The following CD8A variants were observed in gnomAD, a reference collection of about 807,000 sequenced individuals.
CD8A encodes T-cell surface glycoprotein CD8 alpha chain.
In CD8A, 25 loss-of-function variants were observed where a neutral mutation model predicts 24.2. The observed-to-expected ratio is 1.03, with a 90% CI of 0.75 to 1.44. The LOEUF (loss-of-function observed/expected upper bound fraction) is 1.44. Ranked by LOEUF, CD8A falls within the 40% of genes most tolerant of loss-of-function variation. CD8A has a pLI of 0.00. For synonymous variants in CD8A, 165 were observed against 149.9 expected, an observed-to-expected ratio of 1.10 and a Z score of -0.74; for missense variants, 360 against 319.7, an observed-to-expected ratio of 1.13 and a Z score of -0.96.
intron 3 of CD8A, among the ~76,000 whole-genome samples, chr2:86,800,165 A>T (rs1673620447): frequency 6.6e-6 from 1 of 152,178 alleles, no homozygotes; most frequent in South Asian, 2.1e-4. Context: ...CTATGATAAG[A>T]TAAAAGCATT....
intron 2 of CD8A, among the ~76,000 whole-genome samples, chr2:86,805,915 T>G (rs1450775592): frequency 6.6e-6 from 1 of 152,018 alleles, no homozygotes. Context: ...AAAGGCTCGT[T>G]TCTTTTTCTT....
intron 2 of CD8A, among the ~76,000 whole-genome samples, chr2:86,789,983 T>C (rs1673206174): frequency 1.3e-5 from 2 of 152,124 alleles, no homozygotes; most frequent in Non-Finnish European, 2.9e-5. Context: ...CCAGCTCCCC[T>C]GCACCTGGCC....
intron 2 of CD8A, among the ~76,000 whole-genome samples, chr2:86,790,037 G>A (rs1022589255): frequency 6.6e-6 from 1 of 152,196 alleles, no homozygotes; most frequent in African/African-American, 2.4e-5. Context: ...CGGGTTGATT[G>A]CTGTCCGCAT....
intron 2 of CD8A, among the ~76,000 whole-genome samples, chr2:86,802,401 A>G (rs556319542): frequency 5.3e-5 from 8 of 152,308 alleles, no homozygotes; most frequent in African/African-American, 1.9e-4. Context: ...ATAAAGGACA[A>G]TTGTGCACTA....
At position 86,789,356 on chromosome 2, in the gene CD8A, G is replaced by A. The variant is rs1030494587; in HGVS notation, c.592C>T (p.Leu198=). 4 of 1,613,068 alleles carry A rather than the reference G, an allele frequency of 2.5e-6. No individual in the cohort carries two copies. Among genetic ancestry groups the A allele is most frequent in the Admixed American group, 3.3e-5 (2 of 60,000 alleles). ...CAGTAAAGGGTGATAACCAGTGACA[G>A]GAGAAGGACCCCACAAGTCCCGGCC... is the stretch of plus-strand genomic sequence containing the variant. ...PLAGTCGVLL[L]SLVITLYCNH... Residue 198 remains leucine, a synonymous_variant, in exon 4 of 6, where the codon CTG becomes TTG. Transcript: ENST00000283635.
intron 4 of CD8A, 99 bp from the exon 5 acceptor site, chr2:86,788,659 T>C (rs1673125362): frequency 1.7e-6 from 2 of 1,158,050 alleles, no homozygotes; most frequent in South Asian, 1.3e-5. Flanking sequence ...GTTGCTGCTG[T>C]TTTTTGGTTT....
At position 86,789,406 on chromosome 2, in the gene CD8A, C is replaced by T; in HGVS notation, c.542G>A (p.Cys181Tyr). ...AVHTRGLDFA[C>Y]DIYIWAPLAG... ...CAAGGGCGCCCAGATGTAGATATCACAGGCGAAGTCCAGCCCCCTCGTGTG... is the reference window on the plus strand; with the variant it reads ...CAAGGGCGCCCAGATGTAGATATCATAGGCGAAGTCCAGCCCCCTCGTGTG... The change falls in exon 4 of 6, where the codon TGT becomes TAT. Residue 181 changes from cysteine to tyrosine, a missense_variant. Transcript: ENST00000283635. The T allele has an allele frequency of 6.2e-7, 1 of 1,613,982 alleles. No individual in the cohort carries two copies. The highest frequency in any genetic ancestry group is 8.5e-7 in the Non-Finnish European group (1 of 1,179,828).
intron 2 of CD8A, 77 bp downstream of exon 2, chr2:86,790,251 A>C: frequency 9.7e-7 from 1 of 1,030,246 alleles, no homozygotes; most frequent in African/African-American, 1.6e-5. Context: ...GCTTGAAAGC[A>C]GGGCCCAGGT....
At chr2:86,799,552 C>T (rs1047943250) in intron 3 of CD8A, among the ~76,000 whole-genome samples, 2 of 151,842 alleles carry the variant, frequency 1.3e-5, no homozygotes, top group Non-Finnish European at 2.9e-5. Flanking sequence ...GTCAGGAGAT[C>T]GAGACCATCC....
Position 86,790,342 on chromosome 2 carries a change from G to T in CD8A, c.389C>A (p.Pro130Gln), listed in dbSNP as rs368425695. 1 of 1,613,466 alleles carries T rather than the reference G, an allele frequency of 6.2e-7. No individual in the cohort carries two copies. The highest frequency in any genetic ancestry group is 8.5e-7 in the Non-Finnish European group (1 of 1,179,538). ...NSIMYFSHFVPVFLPAKPTTT... is the reference protein window; with the variant it reads ...NSIMYFSHFVQVFLPAKPTTT... ...GGCGCGCGGACCTGGCAGGAAGACC[G>T]GCACGAAGTGGCTGAAGTACATGAT... The change falls in exon 2 of 6, where the codon CCG (proline) becomes CAG (glutamine). Residue 130 changes from proline to glutamine, a missense_variant. Pro to Gln is a moderately conservative substitution (Grantham distance 76, BLOSUM62 -1). Transcript: ENST00000283635.
At chr2:86,793,006 A>C (rs970260646), upstream of CD8A, among the ~76,000 whole-genome samples, 1 of 152,100 alleles carries the variant, frequency 6.6e-6, no homozygotes, top group Non-Finnish European at 1.5e-5. Flanking sequence ...CCTCACTGTC[A>C]CCTGCTCCCC....
intron 2 of CD8A, among the ~76,000 whole-genome samples, chr2:86,802,036 T>C (rs1451405953): frequency 1.3e-5 from 2 of 152,098 alleles, no homozygotes; most frequent in South Asian, 4.2e-4. Context: ...GTTACTTTTA[T>C]ATTTATTTAT....
intron 3 of CD8A, among the ~76,000 whole-genome samples, chr2:86,796,320 T>G (rs992684498): frequency 3.3e-5 from 5 of 152,218 alleles, no homozygotes; most frequent in African/African-American, 1.2e-4. Flanking sequence ...GCTGAAAATT[T>G]TTCACAATTA....
chr2:86,787,898 A>AGAGAGAGAGAGAGTGT (rs369993109), intron 5 of CD8A, among the ~76,000 whole-genome samples: 1 of 144,490 alleles, frequency 6.9e-6, no homozygotes, highest in African/African-American at 2.6e-5. Context: ...AGAGAGAGAG[A>AGAGAGAGAGAGAGTGT]GTGTGTGTGT....
At chr2:86,796,871 CT>C in intron 3 of CD8A, among the ~76,000 whole-genome samples, 1 of 152,318 alleles carries the variant, frequency 6.6e-6, no homozygotes, top group South Asian at 2.1e-4. Context: ...TGTTGTCCAA[CT>C]CCTTTTCCTT....
At chr2:86,789,592 C>T (rs1310678620) in intron 3 of CD8A, 48 bp downstream of exon 3, 7 of 1,401,230 alleles carry the variant, frequency 5.0e-6, no homozygotes, top group African/African-American at 1.4e-5. Flanking sequence ...GGCATGGGCT[C>T]TCCCCGCGGT....
intron 2 of CD8A, among the ~76,000 whole-genome samples, chr2:86,803,528 C>T (rs1210332697): frequency 6.6e-6 from 1 of 152,154 alleles, no homozygotes; most frequent in Non-Finnish European, 1.5e-5. Flanking sequence ...AAATATTGCA[C>T]GATCTTACCT....
Position 86,785,388 on chromosome 2 carries a change from A to T in CD8A, c.*532T>A, listed in dbSNP as rs1184725928. On this transcript the variant is annotated 3_prime_UTR_variant, in exon 6 of 6. Coordinates refer to ENST00000283635, the MANE Select transcript of CD8A (RefSeq NM_001768.7). The stretch of plus-strand genomic sequence containing the variant: ...GGGCACAGTATCCCAGGTATCAAGA[A>T]GTACTTGTTCCCTTGCCGTTGGAGA... The T allele has an allele frequency of 4.4e-6, 2 of 454,466 alleles. No individual in the cohort carries two copies. The highest frequency in any genetic ancestry group is 8.8e-6 in the Non-Finnish European group (2 of 227,034). 28.2% of individuals were successfully genotyped at this position (454,466 alleles called of 1,614,324 possible). A position where few individuals can be genotyped will look rare whatever the true frequency, so the allele number is the denominator to read the frequency against.
chr2:86,793,963 G>A (rs577180670), upstream of CD8A, among the ~76,000 whole-genome samples: 1 of 152,290 alleles, frequency 6.6e-6, no homozygotes, highest in Non-Finnish European at 1.5e-5. Flanking sequence ...TGTGACCCCA[G>A]TGATATTTTT....
Sources: gnomAD v4.1 joint callset for allele counts (sites outside exome capture counted in the v4.1 genomes callset) on GRCh38, gnomAD v4.1.1 for gene constraint, MANE v1.5 for transcripts, NCBI Gene and HGNC (gene_info 2026-07-23, HGNC 2026-07-21) for gene names.